EYS: variants seen among roughly 807,000 people sequenced by gnomAD.
The protein encoded by EYS is EGF-like photoreceptor maintenance factor.
EYS carries 250 observed loss-of-function variants against 282.1 expected under a neutral mutation model. The ratio of observed to expected loss-of-function variants is 0.89; its 90% CI spans 0.80 to 0.98. The LOEUF (loss-of-function observed/expected upper bound fraction) is 0.98. Ranked by LOEUF, EYS falls within the 50% of genes least tolerant of loss-of-function variation. The pLI, the probability that EYS is intolerant of heterozygous loss-of-function variation, is 0.00. For synonymous variants in EYS, 1,355 were observed against 1,282.9 expected, an observed-to-expected ratio of 1.06 and a Z score of -1.20; for missense variants, 4,016 against 3,709.0, an observed-to-expected ratio of 1.08 and a Z score of -2.15.
chr6:64,392,873 A>T (rs1773205939), intron 28 of EYS, among the ~76,000 whole-genome samples: 1 of 152,104 alleles, frequency 6.6e-6, no homozygotes, highest in South Asian at 2.1e-4. Flanking sequence ...AAATTGATAG[A>T]CCGCTAGCAA....
At chr6:64,233,921 A>G (rs979481729) in intron 30 of EYS, among the ~76,000 whole-genome samples, 5 of 152,150 alleles carry the variant, frequency 3.3e-5, no homozygotes, top group African/African-American at 1.2e-4. Flanking sequence ...AACACTTCAC[A>G]TTGCTTCAGC....
At chr6:65,139,677 T>G (rs1581946359) in intron 12 of EYS, among the ~76,000 whole-genome samples, 3 of 152,162 alleles carry the variant, frequency 2.0e-5, no homozygotes, top group East Asian at 3.9e-4. Flanking sequence ...TTGGAAATGA[T>G]GCACTCCTCC....
In EYS at chr6:64,840,512, T is replaced by C. The variant is rs372719847; in HGVS notation, c.2993-17690A>G. 1.7e-3 allele frequency among the ~76,000 whole-genome samples: 252 copies of C among 152,254 alleles called. 1 individual carries two copies. Among genetic ancestry groups the C allele is most frequent in the African/African-American group, 5.9e-3 (244 of 41,574 alleles). On this transcript the variant is annotated intron_variant, in intron 19 of 42. Coordinates refer to ENST00000503581, the MANE Select transcript of EYS (RefSeq NM_001142800.2). ...TGGGAGAACATTTTAGATTCCTTCA[T>C]ATCCACATGTTTTCAAATTCCAAGG...
intron 29 of EYS, among the ~76,000 whole-genome samples, chr6:64,382,249 C>T (rs2150420521): frequency 6.6e-6 from 1 of 152,236 alleles, no homozygotes. Flanking sequence ...CTATCTCATT[C>T]TCTTCACTCT....
intron 2 of EYS, among the ~76,000 whole-genome samples, chr6:65,564,121 G>C (rs1033437561): frequency 1.3e-5 from 2 of 152,080 alleles, no homozygotes; most frequent in African/African-American, 4.8e-5. Flanking sequence ...GGAAATGAGA[G>C]AGGACACAAA....
chr6:64,551,692 A>G (rs1425658736), intron 26 of EYS, among the ~76,000 whole-genome samples: 4 of 151,912 alleles, frequency 2.6e-5, no homozygotes, highest in African/African-American at 9.7e-5. Flanking sequence ...ACCCGCCACC[A>G]TGCCCAGCTG....
chr6:64,049,329 C>A (rs750227547), intron 33 of EYS, among the ~76,000 whole-genome samples: 3 of 152,114 alleles, frequency 2.0e-5, no homozygotes, highest in Non-Finnish European at 4.4e-5. Context: ...ATCTCTTCAC[C>A]TTATTTTCTG....
At chr6:65,224,545 A>T (rs932327585) in intron 12 of EYS, among the ~76,000 whole-genome samples, 8 of 152,134 alleles carry the variant, frequency 5.3e-5, no homozygotes, top group African/African-American at 1.7e-4. Context: ...AAGGAAGAAA[A>T]TAATAAAGAT....
chr6:65,424,329 A>T (rs1210587938), intron 5 of EYS, among the ~76,000 whole-genome samples: 1 of 151,764 alleles, frequency 6.6e-6, no homozygotes, highest in African/African-American at 2.4e-5. Context: ...TCTGTGAATT[A>T]TCTTATTATT....
rs540361494 is a variant in EYS at position 64,869,720 on chromosome 6, T to C, written c.2992+16977A>G. On this transcript the variant is annotated intron_variant, in intron 19 of 42. Coordinates refer to ENST00000503581, the MANE Select transcript of EYS (RefSeq NM_001142800.2). ...TGATTAAAGAGATAATGTTTTGATA[T>C]AATGTTGAGAGACAAGCCAGAGATA... is the stretch of plus-strand genomic sequence containing the variant. 3.3e-5 allele frequency among the ~76,000 whole-genome samples: 5 copies of C among 151,792 alleles called. No individual in the cohort carries two copies. The East Asian group carries it at 9.7e-4, about 29-fold the overall frequency.
intron 30 of EYS, among the ~76,000 whole-genome samples, chr6:64,256,180 TCTA>T (rs1252047531): frequency 2.0e-5 from 3 of 152,044 alleles, no homozygotes; most frequent in African/African-American, 7.2e-5. Flanking sequence ...ATATGTTAAA[TCTA>T]CTAAGTTTTT....
intron 13 of EYS, among the ~76,000 whole-genome samples, chr6:65,006,036 G>T (rs1476762893): frequency 3.3e-5 from 5 of 151,420 alleles, no homozygotes; most frequent in Admixed American, 1.3e-4. Flanking sequence ...GATCTAAGGA[G>T]GCTCTACACT....
At chr6:64,240,679 C>A (rs148581506) in intron 30 of EYS, among the ~76,000 whole-genome samples, 1 of 152,268 alleles carries the variant, frequency 6.6e-6, no homozygotes, top group African/African-American at 2.4e-5. Context: ...TCTAAATATA[C>A]AATCACGTCA....
intron 14 of EYS, among the ~76,000 whole-genome samples, chr6:64,974,619 T>G (rs1770413227): frequency 6.6e-6 from 1 of 151,896 alleles, no homozygotes; most frequent in African/African-American, 2.4e-5. Context: ...CCACTCCAAG[T>G]TGCAGAACCG....
Position 63,811,364 on chromosome 6 carries a change from A to G in EYS, c.7229-4992T>C, listed in dbSNP as rs144783468. Among the ~76,000 whole-genome samples, 655 of 152,258 alleles carry G rather than the reference A, an allele frequency of 4.3e-3. 7 individuals carry two copies. Among genetic ancestry groups the G allele is most frequent in the African/African-American group, 0.015 (620 of 41,542 alleles). ...CACAGTCTTTCTAAACTAAATGTCA[A>G]TTCTCTGTTTTTATCTTATTCAGTG... On this transcript the variant is annotated intron_variant, in intron 36 of 42. Transcript: ENST00000503581.
chr6:64,207,719 G>A (rs919941026), intron 31 of EYS, among the ~76,000 whole-genome samples: 1 of 152,050 alleles, frequency 6.6e-6, no homozygotes, highest in African/African-American at 2.4e-5. Context: ...GTGCAGTGGT[G>A]CGACCTCGGA....
chr6:64,519,242 C>T (rs748991511), intron 26 of EYS, among the ~76,000 whole-genome samples: 1 of 151,556 alleles, frequency 6.6e-6, no homozygotes, highest in South Asian at 2.1e-4. Flanking sequence ...AGAACGGCAC[C>T]TGCGAGGGAT....
intron 28 of EYS, among the ~76,000 whole-genome samples, chr6:64,389,533 TA>T (rs1773031260): frequency 6.6e-6 from 1 of 152,224 alleles, no homozygotes; most frequent in African/African-American, 2.4e-5. Flanking sequence ...CATCTCTAAG[TA>T]AATAAACTTT....
intron 12 of EYS, among the ~76,000 whole-genome samples, chr6:65,146,242 T>A (rs543638388): frequency 1.1e-3 from 161 of 145,230 alleles, no homozygotes; most frequent in African/African-American, 3.8e-3. Flanking sequence ...AAGAAAACAT[T>A]TTTCCCCCAA....
Sources: gnomAD v4.1 joint callset for allele counts (sites outside exome capture counted in the v4.1 genomes callset) on GRCh38, gnomAD v4.1.1 for gene constraint, MANE v1.5 for transcripts, NCBI Gene and HGNC (gene_info 2026-07-23, HGNC 2026-07-21) for gene names.